ELOVL4: variants seen among roughly 807,000 people sequenced by gnomAD.
ELOVL4 encodes ELOVL fatty acid elongase 4.
Under a neutral mutation model 42.1 loss-of-function variants are expected in ELOVL4, and 18 were observed. That is an observed-to-expected ratio of 0.43 (90% CI 0.30 to 0.63). The LOEUF (loss-of-function observed/expected upper bound fraction) is 0.63. ELOVL4 is among the 30% of genes least tolerant of loss of function. ELOVL4 has a pLI of 0.15. For synonymous variants in ELOVL4, 117 were observed against 127.0 expected, an observed-to-expected ratio of 0.92 and a Z score of 0.53; for missense variants, 299 against 376.2, an observed-to-expected ratio of 0.79 and a Z score of 1.70.
intron 1 of ELOVL4, among the ~76,000 whole-genome samples, chr6:79,943,361 T>C (rs1204265482): frequency 6.6e-6 from 1 of 152,150 alleles, no homozygotes; most frequent in Non-Finnish European, 1.5e-5. Context: ...CCAGTTTCCA[T>C]GGTTTTCAGT....
chr6:79,922,467 G>A (rs1049842755), intron 3 of ELOVL4, among the ~76,000 whole-genome samples: 4 of 152,176 alleles, frequency 2.6e-5, no homozygotes, highest in African/African-American at 9.7e-5. Context: ...GGCACCAGAT[G>A]GTACAGAAAG....
In ELOVL4 at chr6:79,916,274, C is replaced by A; in HGVS notation, c.*334G>T. The A allele has an allele frequency of 8.5e-6, 2 of 234,766 alleles. No homozygotes were observed. Among genetic ancestry groups the A allele is most frequent in the South Asian group, 7.7e-5 (1 of 12,956 alleles). The allele number at this position is 234,766 out of a possible 1,614,324, so 14.5% of individuals were successfully genotyped here. On this transcript the variant is annotated 3_prime_UTR_variant, in exon 6 of 6. Coordinates refer to ENST00000369816, the MANE Select transcript of ELOVL4 (RefSeq NM_022726.4). ...TTCTGTGATCGTCTAAAATTCAGAC[C>A]GAAGAATGAGTGACTATAAGATACA...
chr6:79,947,219 C>G lies in ELOVL4; in HGVS notation c.61G>C (p.Asp21His). ...VLNVVSTALN[D>H]TVEFYRWTWS... ...GTCCAGCGGTAGAACTCTACCGTGT[C>G]GTTGAGTGCCGTGGACACTACGTTT... The change falls in exon 1 of 6, where the codon GAC (aspartate) becomes CAC (histidine). Residue 21 changes from aspartate (D) to histidine (H), a missense_variant. Physicochemically the swap from Asp to His is moderately conservative, Grantham distance 81 (BLOSUM62 -1). Transcript: ENST00000369816. The G allele has an allele frequency of 6.2e-7, 1 of 1,613,206 alleles. No individual in the cohort carries two copies. Among genetic ancestry groups the G allele is most frequent in the Non-Finnish European group, 8.5e-7 (1 of 1,179,546 alleles).
chr6:79,917,396 GTTTC>G lies in ELOVL4; in HGVS notation c.670-517_670-514del, dbSNP rs547487177. On this transcript the variant is annotated intron_variant, in intron 5 of 5. Transcript: ENST00000369816. ...TGTTTTCCTCCCACATTTTACATTG[GTTTC>G]TTTCTATCAAATTGTCAGCAAGCAG... Among the ~76,000 whole-genome samples, 94 of 152,178 alleles carry G rather than the reference GTTTC, an allele frequency of 6.2e-4. 2 individuals carry two copies. In the South Asian group the frequency reaches 0.019, roughly 31 times the overall value.
intron 1 of ELOVL4, among the ~76,000 whole-genome samples, chr6:79,932,551 C>CAAA (rs33949073): frequency 2.1e-3 from 299 of 142,192 alleles, no homozygotes; most frequent in Middle Eastern, 7.6e-3. Flanking sequence ...GACTCCTTCT[C>CAAA]AAAAAAAAAA....
chr6:79,932,604 A>C (rs1774467236), intron 1 of ELOVL4, among the ~76,000 whole-genome samples: 1 of 151,968 alleles, frequency 6.6e-6, no homozygotes, highest in Admixed American at 6.6e-5. Context: ...AATATCTTCC[A>C]CCAATAAGTT....
At position 79,916,491 on chromosome 6, in the gene ELOVL4, A is replaced by C; in HGVS notation, c.*117T>G. 6.2e-6 allele frequency: 7 copies of C among 1,127,582 alleles called. No individual in the cohort carries two copies. The South Asian group carries it at 6.4e-5, about 10-fold the overall frequency. The allele number at this position is 1,127,582 out of a possible 1,614,324, so 69.8% of individuals were successfully genotyped here. On this transcript the variant is annotated 3_prime_UTR_variant, in exon 6 of 6. Coordinates refer to ENST00000369816, the MANE Select transcript of ELOVL4 (RefSeq NM_022726.4). ...CAGTCTAAGAGTTACTAGGACATAG[A>C]GCACATTTGTCTTTTCTCCCCACCC... is the stretch of plus-strand genomic sequence containing the variant.
intron 1 of ELOVL4, among the ~76,000 whole-genome samples, chr6:79,938,454 C>T (rs1014719204): frequency 6.6e-6 from 1 of 152,188 alleles, no homozygotes; most frequent in Non-Finnish European, 1.5e-5. Context: ...GGGTAAAATA[C>T]GGTTAGTCCT....
chr6:79,947,443 G>C lies in ELOVL4; in HGVS notation c.-164C>G. The C allele has an allele frequency of 1.5e-6, 1 of 648,522 alleles. No homozygotes were observed. Among genetic ancestry groups the C allele is most frequent in the Non-Finnish European group, 2.7e-6 (1 of 364,472 alleles). The allele number at this position is 648,522 out of a possible 1,614,324, so 40.2% of individuals were successfully genotyped here. A position where few individuals can be genotyped will look rare whatever the true frequency, so the allele number is the denominator to read the frequency against. ...TGCTCCTCAAGGCGCCGCGGCGGCG[G>C]GGATGCGGCAGAAGGCAGGGCCAAG... is the stretch of plus-strand genomic sequence containing the variant. On this transcript the variant is annotated 5_prime_UTR_variant, in exon 1 of 6. Coordinates refer to ENST00000369816, the MANE Select transcript of ELOVL4 (RefSeq NM_022726.4).
chr6:79,947,308 G>T lies in ELOVL4; in HGVS notation c.-29C>A. 6.4e-7 allele frequency: 1 copy of T among 1,560,306 alleles called. No individual in the cohort carries two copies. Reference sequence around the variant, plus strand: ...GGCGATGAGCGGGCGCTGGCGGCAGGAGAAAGCGGAGACCCAGAGAGAGGG... The same window carrying T: ...GGCGATGAGCGGGCGCTGGCGGCAGTAGAAAGCGGAGACCCAGAGAGAGGG... On this transcript the variant is annotated 5_prime_UTR_variant, in exon 1 of 6. Coordinates refer to ENST00000369816, the MANE Select transcript of ELOVL4 (RefSeq NM_022726.4).
chr6:79,946,121 A>T (rs1774736442), intron 1 of ELOVL4, among the ~76,000 whole-genome samples: 1 of 152,232 alleles, frequency 6.6e-6, no homozygotes, highest in Non-Finnish European at 1.5e-5. Flanking sequence ...GGGAAGGCAG[A>T]GTCATAAGAT....
At chr6:79,928,727 GT>G (rs34673896) in intron 1 of ELOVL4, among the ~76,000 whole-genome samples, 188 of 75,600 alleles carry the variant, frequency 2.5e-3, no homozygotes, top group East Asian at 7.4e-3. Context: ...TGGTGACTGG[GT>G]TTTTTTTTTT....
chr6:79,942,803 A>G (rs778307609), intron 1 of ELOVL4, among the ~76,000 whole-genome samples: 3 of 152,252 alleles, frequency 2.0e-5, no homozygotes, highest in Admixed American at 6.5e-5. Context: ...GGATAAGAGC[A>G]TTAGCTATTA....
chr6:79,919,298 C>G, intron 5 of ELOVL4, 122 bp downstream of exon 5: 1 of 1,140,534 alleles, frequency 8.8e-7, no homozygotes, highest in Non-Finnish European at 1.3e-6. Flanking sequence ...TGCGATATAG[C>G]TGGAGGATAA....
rs1774346293 is a variant in ELOVL4 at position 79,926,528 on chromosome 6, G to T, written c.101-147C>A. On this transcript the variant is annotated intron_variant, in intron 1 of 5. Coordinates refer to ENST00000369816, the MANE Select transcript of ELOVL4 (RefSeq NM_022726.4). ...CTTTGAGTCCCAACAAAAAATACAT[G>T]GTATAAAAACCAAAGAAACAATACT... The T allele has an allele frequency of 8.9e-6, 7 of 789,618 alleles. No homozygotes were observed. The South Asian group carries it at 1.1e-4, about 12-fold the overall frequency. 48.9% of individuals were successfully genotyped at this position (789,618 alleles called of 1,614,324 possible).
chr6:79,937,462 G>T (rs6913888), intron 1 of ELOVL4, among the ~76,000 whole-genome samples: 4,905 of 152,174 alleles, frequency 0.032, 113 homozygotes, highest in Middle Eastern at 0.061. Flanking sequence ...GTTACCCTGG[G>T]ATTTAATTTG....
intron 1 of ELOVL4, among the ~76,000 whole-genome samples, chr6:79,927,257 AT>A (rs1179998654): frequency 1.3e-5 from 2 of 151,978 alleles, no homozygotes; most frequent in Non-Finnish European, 2.9e-5. Context: ...ATAAAAATAT[AT>A]TAATATTAAT....
At chr6:79,932,889 G>T (rs1774472872) in intron 1 of ELOVL4, among the ~76,000 whole-genome samples, 1 of 151,612 alleles carries the variant, frequency 6.6e-6, no homozygotes, top group Admixed American at 6.6e-5. Flanking sequence ...ACAGACATTT[G>T]AACTTTTTTT....
chr6:79,939,979 C>T (rs1214757133), intron 1 of ELOVL4, among the ~76,000 whole-genome samples: 2 of 152,144 alleles, frequency 1.3e-5, no homozygotes, highest in African/African-American at 4.8e-5. Flanking sequence ...GTATATACCA[C>T]GTTGCGTTTA....
Sources: allele counts gnomAD v4.1 joint callset (sites outside exome capture counted in the v4.1 genomes callset), GRCh38; gene constraint gnomAD v4.1.1; transcripts MANE v1.5; gene names NCBI Gene and HGNC (gene_info 2026-07-23, HGNC 2026-07-21).